ALDH1A2: variants seen among roughly 807,000 people sequenced by gnomAD.
ALDH1A2 encodes the protein aldehyde dehydrogenase 1 family member A2, also known as retinal dehydrogenase 2.
In ALDH1A2, 27 loss-of-function variants were observed where a neutral mutation model predicts 60.3. The ratio of observed to expected loss-of-function variants is 0.45; its 90% confidence interval spans 0.33 to 0.62. The LOEUF (loss-of-function observed/expected upper bound fraction) is 0.62. Among genes scored for constraint, ALDH1A2 ranks in the 20% least tolerant of loss-of-function variants. The pLI is 0.02. For synonymous variants in ALDH1A2, 289 were observed against 232.4 expected, an observed-to-expected ratio of 1.24 and a Z score of -2.21; for missense variants, 581 against 643.8, an observed-to-expected ratio of 0.90 and a Z score of 1.06.
chr15:57,962,446 G>C (rs1335142370), intron 9 of ALDH1A2, among the ~76,000 whole-genome samples: 1 of 152,096 alleles, frequency 6.6e-6, no homozygotes, highest in Non-Finnish European at 1.5e-5. Context: ...TTAGAAAAAT[G>C]TTTCAAAATG....
chr15:57,976,310 G>C (rs1894254863), intron 7 of ALDH1A2, among the ~76,000 whole-genome samples: 2 of 152,112 alleles, frequency 1.3e-5, no homozygotes, highest in South Asian at 4.2e-4. Context: ...ATTATACTTT[G>C]AATTCTGGGA....
At chr15:58,040,035 GAAC>G (rs1397078591) in intron 1 of ALDH1A2, among the ~76,000 whole-genome samples, 3 of 151,762 alleles carry the variant, frequency 2.0e-5, no homozygotes, top group Admixed American at 1.3e-4. Flanking sequence ...TAAAATTTGG[GAAC>G]AACATTCACA....
intron 1 of ALDH1A2, among the ~76,000 whole-genome samples, chr15:58,029,631 A>C (rs1024510307): frequency 6.6e-6 from 1 of 152,044 alleles, no homozygotes; most frequent in African/African-American, 2.4e-5. Flanking sequence ...TTTTGAAAAG[A>C]TCAACAAAAC....
At chr15:57,965,211 C>T (rs1487072788) in intron 8 of ALDH1A2, among the ~76,000 whole-genome samples, 16 of 152,138 alleles carry the variant, frequency 1.1e-4, no homozygotes, top group Admixed American at 1.3e-4. Flanking sequence ...CTACTCATAC[C>T]GAACTGACCC....
intron 1 of ALDH1A2, among the ~76,000 whole-genome samples, chr15:58,015,558 A>G (rs1895767141): frequency 6.6e-6 from 1 of 152,260 alleles, no homozygotes; most frequent in Non-Finnish European, 1.5e-5. Flanking sequence ...AACAAAATTT[A>G]CCCAATAAAT....
At chr15:58,063,555 A>G (rs1423634029) in intron 1 of ALDH1A2, among the ~76,000 whole-genome samples, 1 of 151,118 alleles carries the variant, frequency 6.6e-6, no homozygotes, top group African/African-American at 2.4e-5. Flanking sequence ...TTCACGTTTA[A>G]AAAAAAAATA....
intron 4 of ALDH1A2, among the ~76,000 whole-genome samples, chr15:58,004,628 C>G (rs1382073234): frequency 6.6e-6 from 1 of 151,120 alleles, no homozygotes; most frequent in African/African-American, 2.4e-5. Flanking sequence ...TGGCCTCCAA[C>G]CCCATCCATG....
chr15:58,038,013 CCTT>C (rs766463357), intron 1 of ALDH1A2, among the ~76,000 whole-genome samples: 29 of 151,646 alleles, frequency 1.9e-4, no homozygotes, highest in African/African-American at 4.3e-4. Context: ...GGGGCCTTCC[CCTT>C]CTTTTTTTCT....
chr15:57,973,968 TCTCTCTCA>T (rs1894154811), intron 7 of ALDH1A2, among the ~76,000 whole-genome samples: 1 of 152,214 alleles, frequency 6.6e-6, no homozygotes, highest in Admixed American at 6.5e-5. Flanking sequence ...CTTCTCTCTC[TCTCTCTCA>T]GTTCCCTATT....
At chr15:57,991,732 G>A (rs540730962) in intron 7 of ALDH1A2, 4 of 152,224 alleles carry the variant, frequency 2.6e-5, no homozygotes, top group East Asian at 1.9e-4. Flanking sequence ...TTAATTTCAC[G>A]TATTTTTTAA....
chr15:57,980,426 T>G, intron 7 of ALDH1A2: 1 of 351,542 alleles, frequency 2.8e-6, no homozygotes, highest in Non-Finnish European at 5.7e-6. Flanking sequence ...GTGGTTGATC[T>G]TGGGGAATGA....
chr15:57,992,750 A>C lies in ALDH1A2; in HGVS notation c.753T>G (p.Ala251=). 2 of 1,614,188 alleles carry C rather than the reference A, an allele frequency of 1.2e-6. No homozygotes were observed. Among genetic ancestry groups the C allele is most frequent in the African/African-American group, 1.3e-5 (1 of 75,064 alleles). Residue 251 remains alanine, a synonymous_variant, in exon 7 of 13, where the codon GCT becomes GCG. Coordinates refer to ENST00000249750, the MANE Select transcript of ALDH1A2 (RefSeq NM_003888.4). ...GYGPTAGAAI[A]SHIGIDKIAF... is the part of the protein sequence containing the mutation. The stretch of plus-strand genomic sequence containing the variant: ...CAATCTTGTCTATGCCAATGTGAGA[A>C]GCTATTGCTGCCCCAGCCGTTGGCC...
At chr15:57,978,512 C>A (rs996733063) in intron 7 of ALDH1A2, among the ~76,000 whole-genome samples, 1 of 152,182 alleles carries the variant, frequency 6.6e-6, no homozygotes, top group African/African-American at 2.4e-5. Context: ...GTTGAACCAG[C>A]CTTGCATAGC....
Position 57,955,001 on chromosome 15 carries a change from C to A in ALDH1A2, c.*196G>T, listed in dbSNP as rs1473215216. The A allele has an allele frequency of 1.5e-6, 1 of 660,418 alleles. No individual in the cohort carries two copies. Among genetic ancestry groups the A allele is most frequent in the Non-Finnish European group, 2.7e-6 (1 of 366,342 alleles). 40.9% of individuals were successfully genotyped at this position (660,418 alleles called of 1,614,324 possible). ...CAATATTTGGTATGATTAAGGTGGCCCCTTACAGAGTGCCAAGAAACTGTA... is the reference window on the plus strand; with the variant it reads ...CAATATTTGGTATGATTAAGGTGGCACCTTACAGAGTGCCAAGAAACTGTA... On this transcript the variant is annotated 3_prime_UTR_variant, in exon 13 of 13. Transcript: ENST00000249750.
chr15:58,009,586 C>T (rs1441803345), intron 4 of ALDH1A2, among the ~76,000 whole-genome samples: 4 of 150,792 alleles, frequency 2.7e-5, no homozygotes, highest in Non-Finnish European at 5.9e-5. Flanking sequence ...TAAGTGGCAT[C>T]TAGTATCCAC....
At chr15:58,022,690 C>T (rs1339174994) in intron 1 of ALDH1A2, among the ~76,000 whole-genome samples, 1 of 152,186 alleles carries the variant, frequency 6.6e-6, no homozygotes, top group Non-Finnish European at 1.5e-5. Context: ...CACAACTTCA[C>T]CACAGCCTCT....
rs907534870 is a variant in ALDH1A2, at chr15:57,961,361, A to G, written c.1252-67T>C. 8 of 1,569,562 alleles carry G rather than the reference A, an allele frequency of 5.1e-6. No homozygotes were observed. The African/African-American group carries it at 8.1e-5, about 16-fold the overall frequency. On this transcript the variant is annotated intron_variant, in intron 10 of 12. Transcript: ENST00000249750. ...TCCTTTACCTGCTTTCCACATTTCAATGCAAGTTTACTCTGCCTTGATTAC... is the reference window on the plus strand; with the variant it reads ...TCCTTTACCTGCTTTCCACATTTCAGTGCAAGTTTACTCTGCCTTGATTAC...
At chr15:57,986,526 T>C (rs1894704645) in intron 7 of ALDH1A2, among the ~76,000 whole-genome samples, 1 of 104,480 alleles carries the variant, frequency 9.6e-6, no homozygotes, top group Non-Finnish European at 1.8e-5. Flanking sequence ...TTCAGCAATA[T>C]AATGGTCACA....
At chr15:58,063,065 G>T (rs1436318569) in intron 1 of ALDH1A2, among the ~76,000 whole-genome samples, 1 of 152,076 alleles carries the variant, frequency 6.6e-6, no homozygotes, top group Non-Finnish European at 1.5e-5. Context: ...CAAAAATACA[G>T]AAAAATACAA....
Sources: gnomAD v4.1 joint callset for allele counts (sites outside exome capture counted in the v4.1 genomes callset) on GRCh38, gnomAD v4.1.1 for gene constraint, MANE v1.5 for transcripts, NCBI Gene and HGNC (gene_info 2026-07-23, HGNC 2026-07-21) for gene names.